RPS13: variants seen among roughly 807,000 people sequenced by gnomAD.
RPS13 encodes small ribosomal subunit protein uS15.
A neutral mutation model predicts 24.6 loss-of-function variants in RPS13; 1 was observed. The observed-to-expected ratio is 0.04, with a 90% CI of 0.01 to 0.19. The LOEUF (loss-of-function observed/expected upper bound fraction) is 0.19. Among genes scored for constraint, RPS13 ranks in the 10% least tolerant of loss-of-function variants. The pLI, the probability that RPS13 is intolerant of heterozygous loss-of-function variation, is 1.00. For synonymous variants in RPS13, 69 were observed against 65.3 expected (o/e 1.06, Z -0.27); for missense variants, 88 against 187.4 (o/e 0.47, Z 3.10).
At position 17,077,196 on chromosome 11, in the gene RPS13, G is replaced by A. The variant is rs766479324; in HGVS notation, c.123C>T (p.Ala41=). ...DDVKEQIYKL[A]KKGLTPSQIG... The stretch of plus-strand genomic sequence containing the variant: ...TCTGTGAAGGAGTAAGGCCCTTCTT[G>A]GCCAGTTTGTAAATCTGCTCCTTCA... Residue 41 remains alanine (A), a synonymous_variant, in exon 3 of 6, where the codon GCC becomes GCT. Transcript: ENST00000525634. 14 of 1,613,492 alleles carry A rather than the reference G, an allele frequency of 8.7e-6. No individual in the cohort carries two copies. The South Asian group carries it at 1.1e-4, about 13-fold the overall frequency.
intron 3 of RPS13, 26 bp from the exon 4 acceptor site, chr11:17,075,649 T>C: frequency 6.4e-7 from 1 of 1,562,244 alleles, no homozygotes; most frequent in Non-Finnish European, 8.7e-7. Context: ...CGTTTTAACT[T>C]TCAACACGAA....
chr11:17,075,664 A>C, intron 3 of RPS13, 41 bp from the exon 4 acceptor site: 1 of 1,475,230 alleles, frequency 6.8e-7, no homozygotes, highest in Non-Finnish European at 9.3e-7. Context: ...CACGAAACAC[A>C]AACTGGAGAA....
intron 3 of RPS13, chr11:17,076,126 G>A (rs1260956373): frequency 1.2e-5 from 3 of 249,038 alleles, no homozygotes; most frequent in Non-Finnish European, 1.6e-5. Flanking sequence ...TGTGGCTCAC[G>A]CCTGTAATCC....
rs772105634 is a variant in RPS13 at position 17,074,481 on chromosome 11, A to C, written c.423-15T>G. 1.2e-6 allele frequency: 2 copies of C among 1,606,306 alleles called. No individual in the cohort carries two copies. The highest frequency in any genetic ancestry group is 2.7e-5 in the African/African-American group (2 of 74,768). On this transcript the variant is annotated splice_polypyrimidine_tract_variant and intron_variant, in intron 5 of 5. Transcript: ENST00000525634. ...TAGATGATTCACTGAAAAAGAAAAA[A>C]GGGGAAAGAAAGAAAATCAGGATTA...
Position 17,074,417 on chromosome 11 carries a change from G to A in RPS13, c.*16C>T, listed in dbSNP as rs1847993731. ...TAGTTAAACAATCATTTTATTGCTT[G>A]AGTACACAGACAAATTTATGCGACC... On this transcript the variant is annotated 3_prime_UTR_variant, in exon 6 of 6. Coordinates refer to ENST00000525634, the MANE Select transcript of RPS13 (RefSeq NM_001017.3). The A allele has an allele frequency of 6.3e-7, 1 of 1,593,532 alleles. No individual in the cohort carries two copies. Among genetic ancestry groups the A allele is most frequent in the Admixed American group, 1.7e-5 (1 of 59,818 alleles).
intron 2 of RPS13, 24 bp downstream of exon 2, chr11:17,077,405 C>G: frequency 6.2e-7 from 1 of 1,601,764 alleles, no homozygotes; most frequent in Non-Finnish European, 8.5e-7. Flanking sequence ...CCCGGATTCT[C>G]CCCGGTCCCA....
chr11:17,074,561 C>G (rs537233635), intron 5 of RPS13, 95 bp from the exon 6 acceptor site: 1 of 961,528 alleles, frequency 1.0e-6, no homozygotes, highest in South Asian at 1.4e-5. Flanking sequence ...GTGCTATTCT[C>G]AAACAGTTAA....
intron 4 of RPS13, 56 bp downstream of exon 4, chr11:17,075,398 G>A (rs771992713): frequency 3.2e-5 from 44 of 1,385,138 alleles, no homozygotes; most frequent in East Asian, 2.3e-4. Context: ...ACATTTTACC[G>A]AAAAAATTTA....
In RPS13 at chr11:17,076,981, G is replaced by A. The variant is rs1042254823; in HGVS notation, c.151+187C>T. On this transcript the variant is annotated intron_variant, in intron 3 of 5. Transcript: ENST00000525634. ...TGTAAACTGGGGTGAAAGCCATGAA[G>A]ATTTATTTCAAAGTATTGTGGTCAG... 2.5e-5 allele frequency: 15 copies of A among 592,968 alleles called. 1 individual carries two copies. The highest frequency in any genetic ancestry group is 1.2e-4 in the Admixed American group (4 of 34,600). 36.7% of individuals were successfully genotyped at this position (592,968 alleles called of 1,614,324 possible).
At position 17,076,339 on chromosome 11, in the gene RPS13, G is replaced by A. The variant is rs528254460; in HGVS notation, c.152-716C>T. The A allele has an allele frequency of 3.6e-4, 93 of 254,840 alleles. No homozygotes were observed. In the Middle Eastern group the frequency reaches 6.3e-3, roughly 17 times the overall value. The allele number at this position is 254,840 out of a possible 1,614,324, so 15.8% of individuals were successfully genotyped here. ...CAGGAGGCGGAGGTTGCAGTGAGCC[G>A]AGATCATACCACTGCACTCCAGCCT... On this transcript the variant is annotated intron_variant, in intron 3 of 5. Transcript: ENST00000525634.
In RPS13 at chr11:17,075,135, A is replaced by G. The variant is rs190655000; in HGVS notation, c.384T>C (p.Tyr128=). ...IESRIHRLAR[Y]YKTKRVLPPN... ...GAGGGAGGACTCGCTTGGTCTTATAATATCGAGCCAAACGGTGAATCCGGC... is the reference window on the plus strand; with the variant it reads ...GAGGGAGGACTCGCTTGGTCTTATAGTATCGAGCCAAACGGTGAATCCGGC... The change falls in exon 5 of 6, where the codon TAT becomes TAC. Residue 128 remains tyrosine (Y), a synonymous_variant. Transcript: ENST00000525634. 1.2e-5 allele frequency: 20 copies of G among 1,611,998 alleles called. No homozygotes were observed. In the Admixed American group the frequency reaches 2.5e-4, roughly 20 times the overall value.
chr11:17,074,866 G>T, intron 5 of RPS13: 1 of 612,308 alleles, frequency 1.6e-6, no homozygotes, highest in East Asian at 2.9e-5. Flanking sequence ...CTGCAACTAT[G>T]GCCCTCTGCT....
intron 4 of RPS13, 56 bp from the exon 5 acceptor site, chr11:17,075,253 T>C: frequency 8.0e-7 from 1 of 1,253,294 alleles, no homozygotes; most frequent in Non-Finnish European, 1.1e-6. Flanking sequence ...CCTAACATTA[T>C]CAAACATTAA....
chr11:17,075,346 G>T (rs1417415883), intron 4 of RPS13, 108 bp downstream of exon 4: 4 of 1,043,470 alleles, frequency 3.8e-6, no homozygotes, highest in African/African-American at 1.6e-5. Context: ...GCACTACACT[G>T]GTTTGTGTAC....
At chr11:17,076,294 G>C in intron 3 of RPS13, 2 of 233,268 alleles carry the variant, frequency 8.6e-6, no homozygotes, top group South Asian at 8.2e-5. Flanking sequence ...GCAGAGGCAG[G>C]AGAATTGCTT....
rs78699959 is a variant in RPS13 at position 17,076,690 on chromosome 11, G to A, written c.151+478C>T. 2.3e-3 allele frequency: 702 copies of A among 310,688 alleles called. 6 individuals carry two copies. Among genetic ancestry groups the A allele is most frequent in the African/African-American group, 0.015 (646 of 44,200 alleles). 19.2% of individuals were successfully genotyped at this position (310,688 alleles called of 1,614,324 possible). A position where few individuals can be genotyped will look rare whatever the true frequency, so the allele number is the denominator to read the frequency against. ...TGCATCCCAAGTATCTGGGACTACA[G>A]GCACATTGCGGCTGGCTTTTTTGGG... On this transcript the variant is annotated intron_variant, in intron 3 of 5. Coordinates refer to ENST00000525634, the MANE Select transcript of RPS13 (RefSeq NM_001017.3).
In RPS13 at chr11:17,075,115, A is replaced by T; in HGVS notation, c.404T>A (p.Leu135His). 1 of 1,608,564 alleles carries T rather than the reference A, an allele frequency of 6.2e-7. No individual in the cohort carries two copies. Among genetic ancestry groups the T allele is most frequent in the Non-Finnish European group, 8.5e-7 (1 of 1,177,654 alleles). ...LARYYKTKRV[L>H]PPNWKYESST... ...TACTTACTATTTCCAATTGGGAGGGAGGACTCGCTTGGTCTTATAATATCG... is the reference window on the plus strand; with the variant it reads ...TACTTACTATTTCCAATTGGGAGGGTGGACTCGCTTGGTCTTATAATATCG... Residue 135 changes from leucine (L) to histidine (H), a missense_variant, in exon 5 of 6, where the codon CTC becomes CAC. By Grantham distance (99) the Leu-to-His change is moderately conservative (BLOSUM62 -3). Transcript: ENST00000525634.
intron 2 of RPS13, 22 bp from the exon 3 acceptor site, chr11:17,077,268 C>A (rs1187984230): frequency 9.9e-6 from 16 of 1,609,226 alleles, no homozygotes; most frequent in Non-Finnish European, 1.4e-5. Flanking sequence ...TAGAAAGCAG[C>A]CTTAGGATGA....
chr11:17,077,342 C>T (rs1848037012), intron 2 of RPS13, 87 bp downstream of exon 2: 4 of 1,581,630 alleles, frequency 2.5e-6, no homozygotes, highest in African/African-American at 1.3e-5. Flanking sequence ...TCCTCATACA[C>T]GCAAGTTCCT....
Sources: gnomAD v4.1 joint callset for allele counts on GRCh38, gnomAD v4.1.1 for gene constraint, MANE v1.5 for transcripts, NCBI Gene and HGNC (gene_info 2026-07-23, HGNC 2026-07-21) for gene names.